TAOK1: variants seen among roughly 807,000 people sequenced by gnomAD.
TAOK1 encodes the protein serine/threonine-protein kinase TAO1.
A neutral mutation model predicts 138.3 loss-of-function variants in TAOK1; 21 were observed. The observed-to-expected ratio is 0.15, with a 90% confidence interval of 0.11 to 0.22. The LOEUF is 0.22. TAOK1 is among the 10% of genes least tolerant of loss of function. The pLI, the probability that TAOK1 is intolerant of heterozygous loss-of-function variation, is 1.00. For missense variants in TAOK1, 651 were observed against 1,227.7 expected (o/e 0.53, Z 7.02); for synonymous variants, 361 against 398.4 (o/e 0.91, Z 1.12).
chr17:29,445,768 C>T (rs1453285649), intron 1 of TAOK1, among the ~76,000 whole-genome samples: 2 of 152,022 alleles, frequency 1.3e-5, no homozygotes, highest in Admixed American at 6.6e-5. Context: ...TTATATTGGT[C>T]AGAAATCTTC....
intron 1 of TAOK1, among the ~76,000 whole-genome samples, chr17:29,415,629 G>C (rs554429817): frequency 5.3e-5 from 8 of 152,210 alleles, no homozygotes; most frequent in Admixed American, 4.6e-4. Flanking sequence ...TCAGCCATTT[G>C]TTTATCTTCT....
At chr17:29,408,313 C>A (rs1905052034) in intron 1 of TAOK1, among the ~76,000 whole-genome samples, 1 of 150,792 alleles carries the variant, frequency 6.6e-6, no homozygotes. Flanking sequence ...CCAACGTCTG[C>A]CTCCGGGGCT....
rs181751487 is a variant in TAOK1 at position 29,458,486 on chromosome 17, G to T, written c.132+6806G>T. On this transcript the variant is annotated intron_variant, in intron 2 of 19. Transcript: ENST00000261716. ...GGGTGTGTAGTAGTATTTCAATATG[G>T]TTTTTTTTGTTTTGTTTTGTTTTTG... Among the ~76,000 whole-genome samples the T allele has an allele frequency of 3.9e-3, 594 of 151,798 alleles. 3 individuals carry two copies. Among genetic ancestry groups the T allele is most frequent in the Non-Finnish European group, 5.9e-3 (403 of 67,856 alleles).
At chr17:29,531,653 C>T (rs1394379286) in intron 18 of TAOK1, among the ~76,000 whole-genome samples, 1 of 151,606 alleles carries the variant, frequency 6.6e-6, no homozygotes, top group Non-Finnish European at 1.5e-5. Context: ...ATCCCAGCTA[C>T]TCTGGAGGCG....
chr17:29,400,406 A>AAC (rs1567707643), intron 1 of TAOK1, among the ~76,000 whole-genome samples: 1 of 151,708 alleles, frequency 6.6e-6, no homozygotes, highest in African/African-American at 2.4e-5. Flanking sequence ...AAAAAAAAAA[A>AAC]AACAACAAAT....
At chr17:29,426,762 AT>A (rs1905655660) in intron 1 of TAOK1, among the ~76,000 whole-genome samples, 1 of 152,182 alleles carries the variant, frequency 6.6e-6, no homozygotes, top group Non-Finnish European at 1.5e-5. Context: ...TGGATTTTGA[AT>A]TTGATTTTCT....
chr17:29,399,595 G>A (rs368721061), intron 1 of TAOK1, among the ~76,000 whole-genome samples: 2 of 152,216 alleles, frequency 1.3e-5, no homozygotes, highest in South Asian at 2.1e-4. Context: ...GATTACAGGC[G>A]TGAGCCACTG....
rs1463073462 is a variant in TAOK1 at position 29,550,137 on chromosome 17, A to G, written c.*7115A>G. 3 of 152,150 alleles carry G rather than the reference A, an allele frequency of 2.0e-5. No individual in the cohort carries two copies. Among genetic ancestry groups the G allele is most frequent in the African/African-American group, 7.2e-5 (3 of 41,438 alleles). The allele number at this position is 152,150 out of a possible 1,614,324, so 9.4% of individuals were successfully genotyped here. A position where few individuals can be genotyped will look rare whatever the true frequency, so the allele number is the denominator to read the frequency against. On this transcript the variant is annotated 3_prime_UTR_variant, in exon 20 of 20. Coordinates refer to ENST00000261716, the MANE Select transcript of TAOK1 (RefSeq NM_020791.4). Reference sequence around the variant, plus strand: ...AAAGAGAAGGATGTGTGGGGTTTCTATTAGAAGATAATTTTGTTCTCATTT... The same window carrying G: ...AAAGAGAAGGATGTGTGGGGTTTCTGTTAGAAGATAATTTTGTTCTCATTT...
chr17:29,480,123 AT>A (rs903695137), intron 6 of TAOK1: 221 of 267,954 alleles, frequency 8.2e-4, no homozygotes, highest in Middle Eastern at 3.5e-3. Flanking sequence ...CAATGAACTA[AT>A]TTTTTTTTAC....
In TAOK1 at chr17:29,495,743, A is replaced by G; in HGVS notation, c.999+16A>G. On this transcript the variant is annotated intron_variant, in intron 11 of 19. Transcript: ENST00000261716. ...AGAAGAAGAGGTAAGAGATAAAAAAATGACTCCAATATTGAATTTTCACTT... is the reference window on the plus strand; with the variant it reads ...AGAAGAAGAGGTAAGAGATAAAAAAGTGACTCCAATATTGAATTTTCACTT... The G allele has an allele frequency of 6.4e-7, 1 of 1,571,594 alleles. No individual in the cohort carries two copies. The highest frequency in any genetic ancestry group is 1.2e-5 in the South Asian group (1 of 84,810).
At chr17:29,530,268 C>T in intron 17 of TAOK1, 139 bp from the exon 18 acceptor site, 1 of 712,118 alleles carries the variant, frequency 1.4e-6, no homozygotes, top group East Asian at 2.7e-5. Context: ...GCAAAAAGTA[C>T]CTGCAACCTG....
At chr17:29,466,079 T>TA (rs1260741222) in intron 2 of TAOK1, among the ~76,000 whole-genome samples, 2 of 152,180 alleles carry the variant, frequency 1.3e-5, no homozygotes, top group African/African-American at 2.4e-5. Flanking sequence ...TTTATATATA[T>TA]TTTTCCCCTT....
chr17:29,421,561 G>T (rs996081371), intron 1 of TAOK1, among the ~76,000 whole-genome samples: 1 of 152,074 alleles, frequency 6.6e-6, no homozygotes. Context: ...TCTAGGCAAG[G>T]CTTTTAATTA....
chr17:29,449,961 A>G (rs2030190795), intron 1 of TAOK1, among the ~76,000 whole-genome samples: 1 of 152,124 alleles, frequency 6.6e-6, no homozygotes, highest in South Asian at 2.1e-4. Flanking sequence ...CCAGAGTATT[A>G]CTCTATGCTT....
intron 3 of TAOK1, 55 bp from the exon 4 acceptor site, chr17:29,475,614 AT>A: frequency 8.5e-7 from 1 of 1,180,848 alleles, no homozygotes; most frequent in Non-Finnish European, 1.2e-6. Context: ...TTATTCTTAT[AT>A]AACTTTCTGA....
intron 8 of TAOK1, among the ~76,000 whole-genome samples, chr17:29,484,975 G>A (rs1231868757): frequency 6.6e-6 from 1 of 152,086 alleles, no homozygotes; most frequent in Non-Finnish European, 1.5e-5. Context: ...GTTAAGGATA[G>A]CAAATTAAAG....
chr17:29,397,699 A>G (rs1472741530), intron 1 of TAOK1, among the ~76,000 whole-genome samples: 2 of 94,720 alleles, frequency 2.1e-5, no homozygotes, highest in East Asian at 1.9e-3. Context: ...ATATTCATGT[A>G]TGCATACATG....
At chr17:29,405,330 A>C (rs1220544057) in intron 1 of TAOK1, among the ~76,000 whole-genome samples, 1 of 152,202 alleles carries the variant, frequency 6.6e-6, no homozygotes, top group African/African-American at 2.4e-5. Flanking sequence ...CACAGTCATT[A>C]AGCCAGTTGG....
chr17:29,419,987 C>T (rs1400608656), intron 1 of TAOK1, among the ~76,000 whole-genome samples: 3 of 152,044 alleles, frequency 2.0e-5, no homozygotes, highest in Admixed American at 6.6e-5. Context: ...TCAATTGATC[C>T]TCCCACCTCA....
Sources: gnomAD v4.1 joint callset for allele counts (sites outside exome capture counted in the v4.1 genomes callset) on GRCh38, gnomAD v4.1.1 for gene constraint, MANE v1.5 for transcripts, NCBI Gene and HGNC (gene_info 2026-07-23, HGNC 2026-07-21) for gene names.